DAB1: variants seen among roughly 807,000 people sequenced by gnomAD.
DAB1 encodes the protein disabled homolog 1.
In DAB1, 15 loss-of-function variants were observed where a neutral mutation model predicts 64.6. The ratio of observed to expected loss-of-function variants is 0.23; its 90% CI spans 0.16 to 0.36. The LOEUF (loss-of-function observed/expected upper bound fraction) is 0.36. Among genes scored for constraint, DAB1 ranks in the 10% least tolerant of loss-of-function variants. The pLI, the probability that DAB1 is intolerant of heterozygous loss-of-function variation, is 1.00. For missense variants in DAB1, 596 were observed against 706.7 expected, an observed-to-expected ratio of 0.84 and a Z score of 1.78; for synonymous variants, 235 against 251.9, an observed-to-expected ratio of 0.93 and a Z score of 0.64.
chr1:57,001,331 G>A (rs1034680234), intron 14 of DAB1, among the ~76,000 whole-genome samples: 8 of 152,158 alleles, frequency 5.3e-5, no homozygotes, highest in Non-Finnish European at 7.4e-5. Context: ...ATTTGTCCAC[G>A]TCTCTGCCCT....
chr1:58,174,912 AC>A (rs1233832740), intron 4 of DAB1, among the ~76,000 whole-genome samples: 1 of 152,108 alleles, frequency 6.6e-6, no homozygotes, highest in Non-Finnish European at 1.5e-5. Context: ...AGCACTCTGT[AC>A]AAATGCACCA....
rs533949063 is a variant in DAB1, at chr1:57,909,159, G to C, written n.388-24997C>G. ...GAATAGTACAAAACAAGTGTTGCTT[G>C]TTAAGGGTTGTGGGTTCTAGTCTTG... On this transcript the variant is annotated intron_variant and non_coding_transcript_variant, in intron 5 of 20. Transcript: ENST00000485760. Among the ~76,000 whole-genome samples, 5 of 152,280 alleles carry C rather than the reference G, an allele frequency of 3.3e-5. 1 individual carries two copies. In the East Asian group the frequency reaches 9.7e-4, roughly 29 times the overall value.
At chr1:57,915,214 T>C (rs1644709232) in intron 5 of DAB1, among the ~76,000 whole-genome samples, 1 of 152,116 alleles carries the variant, frequency 6.6e-6, no homozygotes, top group African/African-American at 2.4e-5. Flanking sequence ...GAGAATGGAA[T>C]GGCAAAACTA....
intron 3 of DAB1, among the ~76,000 whole-genome samples, chr1:58,502,128 C>T (rs1645916918): frequency 6.6e-6 from 1 of 152,036 alleles, no homozygotes; most frequent in Admixed American, 6.6e-5. Flanking sequence ...CAGTAAGAAA[C>T]AATACATTTT....
At chr1:57,828,649 T>C (rs1325010430) in intron 1 of DAB1, among the ~76,000 whole-genome samples, 2 of 152,230 alleles carry the variant, frequency 1.3e-5, no homozygotes, top group Admixed American at 6.5e-5. Context: ...TAGATTTCAA[T>C]TGACAGCAAG....
chr1:57,081,193 T>G (rs116235050), intron 4 of DAB1, among the ~76,000 whole-genome samples: 1 of 152,340 alleles, frequency 6.6e-6, no homozygotes, highest in Non-Finnish European at 1.5e-5. Flanking sequence ...TTTCTTCATC[T>G]GTAAAATGGG....
intron 7 of DAB1, among the ~76,000 whole-genome samples, chr1:57,642,100 ATTTT>A (rs886980805): frequency 6.6e-6 from 1 of 150,604 alleles, no homozygotes; most frequent in African/African-American, 2.4e-5. Context: ...GTGCTCAGTG[ATTTT>A]TTTTTTAAGT....
intron 7 of DAB1, among the ~76,000 whole-genome samples, chr1:57,604,691 C>T (rs1050245787): frequency 2.0e-5 from 3 of 152,154 alleles, no homozygotes; most frequent in Admixed American, 6.5e-5. Flanking sequence ...TCACTTGAAG[C>T]CGCTTCACTA....
intron 7 of DAB1, among the ~76,000 whole-genome samples, chr1:57,591,305 T>A (rs1276158153): frequency 6.6e-6 from 1 of 152,216 alleles, no homozygotes; most frequent in Non-Finnish European, 1.5e-5. Context: ...CAGAGTGGTA[T>A]AATAAGATTT....
chr1:58,346,362 G>A (rs1473781026), intron 3 of DAB1, among the ~76,000 whole-genome samples: 3 of 152,158 alleles, frequency 2.0e-5, no homozygotes, highest in African/African-American at 4.8e-5. Context: ...GATGTGTGCC[G>A]GTGCTCGTTA....
chr1:58,504,700 G>T (rs954813041), intron 3 of DAB1, among the ~76,000 whole-genome samples: 1 of 152,138 alleles, frequency 6.6e-6, no homozygotes, highest in East Asian at 1.9e-4. Flanking sequence ...CCTAATGAAT[G>T]AATAAATCTT....
At chr1:57,072,545 G>T in intron 4 of DAB1, 131 bp from the exon 5 acceptor site, 1 of 844,226 alleles carries the variant, frequency 1.2e-6, no homozygotes, top group Non-Finnish European at 1.8e-6. Flanking sequence ...AGTCCAGATG[G>T]AAAGAAAAAG....
chr1:57,234,154 C>A (rs755371780), intron 2 of DAB1, among the ~76,000 whole-genome samples: 1 of 152,154 alleles, frequency 6.6e-6, no homozygotes, highest in African/African-American at 2.4e-5. Context: ...AATGGCCCGA[C>A]TCAAGGAGTT....
intron 6 of DAB1, among the ~76,000 whole-genome samples, chr1:57,795,690 G>GATATGTAT (rs1553129770): frequency 1.9e-4 from 13 of 69,098 alleles, no homozygotes; most frequent in African/African-American, 7.2e-4. Context: ...TATGCTTGGA[G>GATATGTAT]ATATATATAT....
chr1:57,697,630 G>A (rs954985255), intron 6 of DAB1, among the ~76,000 whole-genome samples: 1 of 152,022 alleles, frequency 6.6e-6, no homozygotes, highest in African/African-American at 2.4e-5. Context: ...TAAAGATTTG[G>A]AGGAAAATTA....
chr1:57,270,025 C>T lies in DAB1; in HGVS notation c.67+20939G>A, dbSNP rs559693745. Among the ~76,000 whole-genome samples the T allele has an allele frequency of 6.6e-5, 10 of 152,288 alleles. No individual in the cohort carries two copies. The East Asian group carries it at 7.7e-4, about 12-fold the overall frequency. On this transcript the variant is annotated intron_variant, in intron 2 of 14. Transcript: ENST00000371236. ...CAGCCTGGGATCCCTTTGAAAAGCC[C>T]GAGCTCTTTCAGGGTGAAAGGCAAA...
At chr1:58,450,157 G>C (rs1416326006) in intron 3 of DAB1, among the ~76,000 whole-genome samples, 2 of 152,172 alleles carry the variant, frequency 1.3e-5, no homozygotes, top group Non-Finnish European at 2.9e-5. Context: ...ATAAATCATA[G>C]AGCAGCTATC....
chr1:57,773,356 C>CACACAT (rs1208500586), intron 6 of DAB1, among the ~76,000 whole-genome samples: 1 of 151,644 alleles, frequency 6.6e-6, no homozygotes, highest in Non-Finnish European at 1.5e-5. Flanking sequence ...CACACACACA[C>CACACAT]ACACACACAC....
At chr1:57,949,463 C>T (rs1413575315) in intron 5 of DAB1, among the ~76,000 whole-genome samples, 1 of 54,948 alleles carries the variant, frequency 1.8e-5, no homozygotes, top group African/African-American at 7.2e-5. Flanking sequence ...AATTCTTTAT[C>T]TATCTATCTA....
Sources: allele counts gnomAD v4.1 joint callset (sites outside exome capture counted in the v4.1 genomes callset), GRCh38; gene constraint gnomAD v4.1.1; transcripts MANE v1.5; gene names NCBI Gene and HGNC (gene_info 2026-07-23, HGNC 2026-07-21).